ST8SIA5: variants seen among roughly 807,000 people sequenced by gnomAD.
ST8SIA5 encodes the protein alpha-2,8-sialyltransferase 8E.
ST8SIA5 carries 24 observed loss-of-function variants against 40.2 expected under a neutral mutation model. That is an observed-to-expected ratio of 0.60 (90% CI 0.43 to 0.84). ST8SIA5 has a LOEUF of 0.84. Ranked by LOEUF, ST8SIA5 falls within the 40% of genes least tolerant of loss-of-function variation. ST8SIA5 has a pLI of 0.00. For synonymous variants in ST8SIA5, 198 were observed against 201.8 expected, an observed-to-expected ratio of 0.98 and a Z score of 0.16; for missense variants, 465 against 498.5, an observed-to-expected ratio of 0.93 and a Z score of 0.64.
intron 1 of ST8SIA5, among the ~76,000 whole-genome samples, chr18:46,710,855 G>A (rs935826257): frequency 2.6e-5 from 4 of 152,108 alleles, no homozygotes; most frequent in African/African-American, 9.7e-5. Context: ...GCTACAAGAT[G>A]AGGTCCATGC....
At chr18:46,727,361 T>C (rs1052904343) in intron 1 of ST8SIA5, among the ~76,000 whole-genome samples, 1 of 152,150 alleles carries the variant, frequency 6.6e-6, no homozygotes, top group Non-Finnish European at 1.5e-5. Context: ...CCATGTAACA[T>C]AGCCCCTTGC....
At chr18:46,744,966 C>G (rs1445243012) in intron 1 of ST8SIA5, among the ~76,000 whole-genome samples, 1 of 152,196 alleles carries the variant, frequency 6.6e-6, no homozygotes, top group Non-Finnish European at 1.5e-5. Context: ...TGAATGACTA[C>G]TGGGTAAATA....
intron 1 of ST8SIA5, among the ~76,000 whole-genome samples, chr18:46,708,960 A>G (rs959597343): frequency 2.8e-4 from 42 of 152,202 alleles, no homozygotes; most frequent in African/African-American, 9.2e-4. Context: ...CATCAAAACT[A>G]TTCCATGCCT....
intron 1 of ST8SIA5, among the ~76,000 whole-genome samples, chr18:46,725,973 ATATATATATATATATATATAT>A (rs1158794821): frequency 2.8e-4 from 7 of 25,082 alleles, no homozygotes; most frequent in Admixed American, 9.0e-4. Context: ...AAAAAAAAAA[ATATATATATATATATATATAT>A]ATATATATAT....
At chr18:46,723,579 T>C (rs2039884775) in intron 1 of ST8SIA5, among the ~76,000 whole-genome samples, 1 of 151,646 alleles carries the variant, frequency 6.6e-6, no homozygotes, top group Admixed American at 6.6e-5. Flanking sequence ...GATAGATGAA[T>C]GAATAAATAG....
At chr18:46,745,281 G>GT (rs1200036332) in intron 1 of ST8SIA5, among the ~76,000 whole-genome samples, 1 of 152,026 alleles carries the variant, frequency 6.6e-6, no homozygotes, top group Non-Finnish European at 1.5e-5. Flanking sequence ...CCAGGAGCTG[G>GT]TTTTTTGAAA....
rs376503253 is a variant in ST8SIA5 at position 46,680,456 on chromosome 18, G to A, written c.717C>T (p.Tyr239=). 2.1e-5 allele frequency: 33 copies of A among 1,608,448 alleles called. No homozygotes were observed. The highest frequency in any genetic ancestry group is 2.3e-5 in the Non-Finnish European group (27 of 1,177,212). ...CAGGCAGCAGCACCGACGCGTTCTC[G>A]TACACCTGCAGCACGCGATAGAACG... ...RRPFYRVLQV[Y]ENASVLLPAF... Residue 239 remains tyrosine, a synonymous_variant, in exon 7 of 7, where the codon TAC becomes TAT. Transcript: ENST00000315087.
At position 46,750,825 on chromosome 18, in the gene ST8SIA5, T is replaced by G. The variant is rs371068462; in HGVS notation, c.131+5553A>C. On this transcript the variant is annotated intron_variant, in intron 1 of 6. Coordinates refer to ENST00000315087, the MANE Select transcript of ST8SIA5 (RefSeq NM_013305.6). ...TCCTTTGTGCCCAGACCCATCATCATTTTCCACTCTGCTCTGTCCTTGGTG... is the reference window on the plus strand; with the variant it reads ...TCCTTTGTGCCCAGACCCATCATCAGTTTCCACTCTGCTCTGTCCTTGGTG... 9.3e-4 allele frequency among the ~76,000 whole-genome samples: 142 copies of G among 152,284 alleles called. 2 individuals carry two copies. In the South Asian group the frequency reaches 0.026, roughly 28 times the overall value.
chr18:46,721,661 G>A (rs1599133316), intron 1 of ST8SIA5, among the ~76,000 whole-genome samples: 1 of 152,234 alleles, frequency 6.6e-6, no homozygotes, highest in East Asian at 1.9e-4. Context: ...GCTCTCTGCG[G>A]TTCTGCATCT....
In ST8SIA5 at chr18:46,668,711, G is replaced by A. The variant is rs2039290326; in HGVS notation, c.*11331C>T. On this transcript the variant is annotated 3_prime_UTR_variant, in exon 7 of 7. Transcript: ENST00000315087. The stretch of plus-strand genomic sequence containing the variant: ...TCGGTTCCAGAAAGGGAAGCTGCAG[G>A]CCACCAAGACCCTGCCAGGTCCCTA... 1 of 152,286 alleles carries A rather than the reference G, an allele frequency of 6.6e-6. No individual in the cohort carries two copies. The highest frequency in any genetic ancestry group is 2.1e-4 in the South Asian group (1 of 4,836). 9.4% of individuals were successfully genotyped at this position (152,286 alleles called of 1,614,324 possible).
In ST8SIA5 at chr18:46,737,990, C is replaced by CA. The variant is rs748566828; in HGVS notation, c.131+18387dup. Among the ~76,000 whole-genome samples, 10 of 152,048 alleles carry CA rather than the reference C, an allele frequency of 6.6e-5. 1 individual carries two copies. The highest frequency in any genetic ancestry group is 1.0e-4 in the Non-Finnish European group (7 of 68,010). On this transcript the variant is annotated intron_variant, in intron 1 of 6. Coordinates refer to ENST00000315087, the MANE Select transcript of ST8SIA5 (RefSeq NM_013305.6). ...TTCACCACGTTGGCCAGGCTGGTCTCAAACTCCTGACCTCAGGTAATCTGC... is the reference window on the plus strand; with the variant it reads ...TTCACCACGTTGGCCAGGCTGGTCTCAAAACTCCTGACCTCAGGTAATCTGC...
At chr18:46,704,327 G>A (rs1568260158) in intron 2 of ST8SIA5, among the ~76,000 whole-genome samples, 1 of 152,022 alleles carries the variant, frequency 6.6e-6, no homozygotes, top group Admixed American at 6.6e-5. Flanking sequence ...CTTTAACACC[G>A]AGTCACCAGA....
Position 46,679,886 on chromosome 18 carries a change from C to T in ST8SIA5, c.*156G>A, listed in dbSNP as rs1599094361. ...ACTCTGCCCCGGTTCCTAACCCTGCCTCCCTACCCCAGGATCCAAGTACAG... is the reference window on the plus strand; with the variant it reads ...ACTCTGCCCCGGTTCCTAACCCTGCTTCCCTACCCCAGGATCCAAGTACAG... On this transcript the variant is annotated 3_prime_UTR_variant, in exon 7 of 7. Transcript: ENST00000315087. 2.6e-6 allele frequency: 2 copies of T among 778,230 alleles called. No individual in the cohort carries two copies. Among genetic ancestry groups the T allele is most frequent in the Non-Finnish European group, 4.0e-6 (2 of 499,470 alleles). 48.2% of individuals were successfully genotyped at this position (778,230 alleles called of 1,614,324 possible). A position where few individuals can be genotyped will look rare whatever the true frequency, so the allele number is the denominator to read the frequency against.
chr18:46,693,323 G>C, intron 2 of ST8SIA5, among the ~76,000 whole-genome samples: 1 of 152,114 alleles, frequency 6.6e-6, no homozygotes, highest in East Asian at 1.9e-4. Flanking sequence ...CACACAGTAG[G>C]GCTCATGAGC....
intron 4 of ST8SIA5, 116 bp from the exon 5 acceptor site, chr18:46,686,402 T>C: frequency 1.3e-6 from 1 of 765,520 alleles, no homozygotes; most frequent in Non-Finnish European, 2.2e-6. Flanking sequence ...GAGGCAGCCT[T>C]GTGGGGAATG....
rs1451284747 is a variant in ST8SIA5, at chr18:46,686,400, C to T, written c.457-114G>A. On this transcript the variant is annotated intron_variant, in intron 4 of 6. Coordinates refer to ENST00000315087, the MANE Select transcript of ST8SIA5 (RefSeq NM_013305.6). ...TTAGCTCCTGGTCCCAAGAGGCAGCCTTGTGGGGAATGTGGGAGGAAAGCG... is the reference window on the plus strand; with the variant it reads ...TTAGCTCCTGGTCCCAAGAGGCAGCTTTGTGGGGAATGTGGGAGGAAAGCG... The T allele has an allele frequency of 4.9e-6, 4 of 810,256 alleles. No individual in the cohort carries two copies. In the Admixed American group the frequency reaches 6.3e-5, roughly 13 times the overall value. The allele number at this position is 810,256 out of a possible 1,614,324, so 50.2% of individuals were successfully genotyped here.
rs2039381412 is a variant in ST8SIA5 at position 46,680,449 on chromosome 18, C to T, written c.724G>A (p.Ala242Thr). ...FYRVLQVYEN[A>T]SVLLPAFYNT... Reference sequence around the variant, plus strand: ...TAGAAGGCAGGCAGCAGCACCGACGCGTTCTCGTACACCTGCAGCACGCGA... The same window carrying T: ...TAGAAGGCAGGCAGCAGCACCGACGTGTTCTCGTACACCTGCAGCACGCGA... Residue 242 changes from alanine (A) to threonine (T), a missense_variant, in exon 7 of 7, where the codon GCG becomes ACG. Physicochemically the swap from Ala to Thr is moderately conservative, Grantham distance 58. Coordinates refer to ENST00000315087, the MANE Select transcript of ST8SIA5 (RefSeq NM_013305.6). 1 of 1,609,434 alleles carries T rather than the reference C, an allele frequency of 6.2e-7. No homozygotes were observed. The highest frequency in any genetic ancestry group is 8.5e-7 in the Non-Finnish European group (1 of 1,177,678).
At chr18:46,752,881 C>T (rs2040207369) in intron 1 of ST8SIA5, among the ~76,000 whole-genome samples, 1 of 152,216 alleles carries the variant, frequency 6.6e-6, no homozygotes. Flanking sequence ...CTCACTTTCA[C>T]TGGGCTGTGA....
At position 46,669,264 on chromosome 18, in the gene ST8SIA5, C is replaced by T. The variant is rs2039294293; in HGVS notation, c.*10778G>A. 6.6e-6 allele frequency: 1 copy of T among 152,292 alleles called. No homozygotes were observed. Among genetic ancestry groups the T allele is most frequent in the Admixed American group, 6.5e-5 (1 of 15,276 alleles). 9.4% of individuals were successfully genotyped at this position (152,292 alleles called of 1,614,324 possible). A position where few individuals can be genotyped will look rare whatever the true frequency, so the allele number is the denominator to read the frequency against. ...TAGAGGGCTAGAGCGGGACACTGGC[C>T]ACCGTCCCCTGCCCTCCAGTTCCTC... On this transcript the variant is annotated 3_prime_UTR_variant, in exon 7 of 7. Coordinates refer to ENST00000315087, the MANE Select transcript of ST8SIA5 (RefSeq NM_013305.6).
Sources: gnomAD v4.1 joint callset for allele counts (sites outside exome capture counted in the v4.1 genomes callset) on GRCh38, gnomAD v4.1.1 for gene constraint, MANE v1.5 for transcripts, NCBI Gene and HGNC (gene_info 2026-07-23, HGNC 2026-07-21) for gene names.